BTBD9: variants seen among roughly 807,000 people sequenced by gnomAD.
BTBD9 encodes the protein BTB/POZ domain-containing protein 9.
Under a neutral mutation model 64.3 loss-of-function variants are expected in BTBD9, and 49 were observed. That is an observed-to-expected ratio of 0.76 (90% confidence interval 0.61 to 0.97). BTBD9 has a LOEUF of 0.97. Ranked by LOEUF, BTBD9 falls within the 50% of genes least tolerant of loss-of-function variation. The probability of loss-of-function intolerance (pLI) is 0.00; values close to 1 mark genes in which losing one functional copy is unlikely to be tolerated. For synonymous variants in BTBD9, 260 were observed against 274.7 expected (o/e 0.95, Z 0.53); for missense variants, 598 against 762.1 (o/e 0.78, Z 2.53).
chr6:38,400,008 C>T (rs977909855), intron 6 of BTBD9, among the ~76,000 whole-genome samples: 1 of 151,772 alleles, frequency 6.6e-6, no homozygotes, highest in African/African-American at 2.4e-5. Flanking sequence ...GTGATCCGCC[C>T]GCCTCGGCCT....
At chr6:38,512,398 G>T (rs1186382587) in intron 6 of BTBD9, among the ~76,000 whole-genome samples, 3 of 152,204 alleles carry the variant, frequency 2.0e-5, no homozygotes, top group Non-Finnish European at 4.4e-5. Context: ...TCAACATTTA[G>T]ATGACCCATG....
chr6:38,216,069 A>G (rs1763000602), intron 9 of BTBD9, among the ~76,000 whole-genome samples: 1 of 152,164 alleles, frequency 6.6e-6, no homozygotes, highest in African/African-American at 2.4e-5. Context: ...TCTGTTCTAT[A>G]ATTAGAGATG....
intron 7 of BTBD9, among the ~76,000 whole-genome samples, chr6:38,301,042 CTAAT>C (rs1257856601): frequency 1.3e-5 from 2 of 152,120 alleles, no homozygotes; most frequent in Non-Finnish European, 2.9e-5. Flanking sequence ...CCATCGATAC[CTAAT>C]TTATTGAGAG....
At chr6:38,420,821 A>C (rs988778182) in intron 6 of BTBD9, among the ~76,000 whole-genome samples, 7 of 152,164 alleles carry the variant, frequency 4.6e-5, no homozygotes, top group African/African-American at 1.2e-4. Flanking sequence ...GCACCACTGC[A>C]CTCTAGCTTG....
chr6:38,414,096 G>A (rs918978359), intron 6 of BTBD9, among the ~76,000 whole-genome samples: 1 of 152,138 alleles, frequency 6.6e-6, no homozygotes, highest in African/African-American at 2.4e-5. Flanking sequence ...AAGTTTAGGT[G>A]TTACATTTAT....
At chr6:38,349,677 A>T (rs1469572954) in intron 6 of BTBD9, among the ~76,000 whole-genome samples, 2 of 152,084 alleles carry the variant, frequency 1.3e-5, no homozygotes, top group Non-Finnish European at 2.9e-5. Flanking sequence ...GCATCCACTG[A>T]AGGTCTTAAA....
intron 1 of BTBD9, among the ~76,000 whole-genome samples, chr6:38,603,983 T>C (rs1777342849): frequency 6.6e-6 from 1 of 152,200 alleles, no homozygotes; most frequent in Non-Finnish European, 1.5e-5. Flanking sequence ...AAAAATCACA[T>C]TCTACTTCTC....
At chr6:38,388,219 C>CAAA (rs35755281) in intron 6 of BTBD9, among the ~76,000 whole-genome samples, 2,310 of 102,458 alleles carry the variant, frequency 0.023, 56 homozygotes, top group Admixed American at 0.087. Flanking sequence ...CTGCCCCTGA[C>CAAA]AAAAAAAAAA....
At chr6:38,548,495 C>T (rs1774655770) in intron 6 of BTBD9, among the ~76,000 whole-genome samples, 1 of 151,956 alleles carries the variant, frequency 6.6e-6, no homozygotes, top group South Asian at 2.1e-4. Context: ...GTCATTTTTC[C>T]TTTTCCTTTA....
chr6:38,580,164 A>C, intron 5 of BTBD9, 54 bp downstream of exon 5: 1 of 1,524,330 alleles, frequency 6.6e-7, no homozygotes, highest in Non-Finnish European at 9.0e-7. Context: ...GATGACCACA[A>C]AGCTAAGTCA....
At chr6:38,611,904 T>C (rs1489076581) in intron 1 of BTBD9, among the ~76,000 whole-genome samples, 1 of 152,220 alleles carries the variant, frequency 6.6e-6, no homozygotes, top group African/African-American at 2.4e-5. Context: ...TTAATTATCA[T>C]ACTGCATCTT....
chr6:38,250,746 C>G (rs1025026785), intron 9 of BTBD9, among the ~76,000 whole-genome samples: 1 of 152,080 alleles, frequency 6.6e-6, no homozygotes, highest in Non-Finnish European at 1.5e-5. Context: ...AGTAAAGAGT[C>G]GAGAAATATT....
intron 6 of BTBD9, among the ~76,000 whole-genome samples, chr6:38,458,975 C>T (rs900702935): frequency 1.3e-5 from 2 of 152,070 alleles, no homozygotes; most frequent in African/African-American, 2.4e-5. Context: ...CCAGGCAAAG[C>T]GTAATTCATG....
intron 8 of BTBD9, among the ~76,000 whole-genome samples, chr6:38,276,632 T>C (rs1391260572): frequency 6.6e-6 from 1 of 152,216 alleles, no homozygotes; most frequent in Non-Finnish European, 1.5e-5. Flanking sequence ...TTGTTTCAAA[T>C]GTCCCGAAAG....
At chr6:38,337,631 C>T (rs1198979894) in intron 7 of BTBD9, among the ~76,000 whole-genome samples, 4 of 152,226 alleles carry the variant, frequency 2.6e-5, no homozygotes, top group Non-Finnish European at 5.9e-5. Context: ...GTCTGTTGTT[C>T]TCCACTCCAC....
At chr6:38,312,061 A>G (rs1029455917) in intron 7 of BTBD9, among the ~76,000 whole-genome samples, 2 of 151,924 alleles carry the variant, frequency 1.3e-5, no homozygotes, top group Non-Finnish European at 2.9e-5. Context: ...TGGTTTCACT[A>G]TGTTGGTCAG....
intron 6 of BTBD9, among the ~76,000 whole-genome samples, chr6:38,434,666 G>A (rs992925766): frequency 1.3e-5 from 2 of 151,880 alleles, no homozygotes; most frequent in Non-Finnish European, 2.9e-5. Context: ...ATTTTACATA[G>A]TTTGACTCTT....
chr6:38,439,451 G>A (rs1409883335), intron 6 of BTBD9, among the ~76,000 whole-genome samples: 1 of 150,500 alleles, frequency 6.6e-6, no homozygotes, highest in African/African-American at 2.5e-5. Context: ...GTTTTTGACA[G>A]AGTCACACTC....
At chr6:38,334,264 A>G (rs1763792878) in intron 7 of BTBD9, among the ~76,000 whole-genome samples, 3 of 150,534 alleles carry the variant, frequency 2.0e-5, no homozygotes, top group Admixed American at 2.0e-4. Flanking sequence ...ATCTGAAACT[A>G]GAACTTATAT....
Sources: gnomAD v4.1 joint callset for allele counts (sites outside exome capture counted in the v4.1 genomes callset) on GRCh38, gnomAD v4.1.1 for gene constraint, MANE v1.5 for transcripts, NCBI Gene and HGNC (gene_info 2026-07-23, HGNC 2026-07-21) for gene names.